Variants in MBD5 observed in about 807,000 individuals in gnomAD.
The protein encoded by MBD5 is methyl-CpG-binding domain protein 5.
In MBD5, 13 loss-of-function variants were observed where a neutral mutation model predicts 117.3. The ratio of observed to expected loss-of-function variants is 0.11; its 90% CI spans 0.07 to 0.18. The LOEUF is 0.18. Among genes scored for constraint, MBD5 ranks in the 10% least tolerant of loss-of-function variants. The probability of loss-of-function intolerance (pLI) is 1.00; values close to 1 mark genes in which losing one functional copy is unlikely to be tolerated. For missense variants in MBD5, 1,879 were observed against 2,093.8 expected, an observed-to-expected ratio of 0.90 and a Z score of 2.00; for synonymous variants, 727 against 766.4, an observed-to-expected ratio of 0.95 and a Z score of 0.85.
chr2:148,189,406 T>G (rs1454315215), intron 2 of MBD5, among the ~76,000 whole-genome samples: 2 of 150,348 alleles, frequency 1.3e-5, no homozygotes, highest in African/African-American at 5.0e-5. Flanking sequence ...CAGCTGGAGA[T>G]CTGAGAACGG....
At position 148,513,606 on chromosome 2, in the gene MBD5, T is replaced by TG. The variant is rs1375796261; in HGVS notation, c.*667dup. On this transcript the variant is annotated 3_prime_UTR_variant, in exon 14 of 14. Coordinates refer to ENST00000642680, the MANE Select transcript of MBD5 (RefSeq NM_001378120.1). ...TGGAATGAACCTTGCCTGGAAGCACTGGACTCAATTTCGGGTGTCTAGGAA... is the reference window on the plus strand; with the variant it reads ...TGGAATGAACCTTGCCTGGAAGCACTGGGACTCAATTTCGGGTGTCTAGGAA... The TG allele has an allele frequency of 6.6e-6, 1 of 152,508 alleles. No homozygotes were observed. Among genetic ancestry groups the TG allele is most frequent in the African/African-American group, 2.4e-5 (1 of 41,468 alleles). The allele number at this position is 152,508 out of a possible 1,614,324, so 9.4% of individuals were successfully genotyped here.
intron 4 of MBD5, among the ~76,000 whole-genome samples, chr2:148,414,294 G>T (rs1193605992): frequency 6.6e-6 from 1 of 152,058 alleles, no homozygotes; most frequent in Non-Finnish European, 1.5e-5. Flanking sequence ...TCTTAGTATT[G>T]ATTTCGATTT....
chr2:148,065,688 G>T (rs1695169074), intron 1 of MBD5, among the ~76,000 whole-genome samples: 1 of 152,196 alleles, frequency 6.6e-6, no homozygotes. Context: ...AGATGACATG[G>T]AAAGTAGGGA....
At chr2:148,287,104 T>C (rs1398703749) in intron 3 of MBD5, among the ~76,000 whole-genome samples, 1 of 152,188 alleles carries the variant, frequency 6.6e-6, no homozygotes, top group Non-Finnish European at 1.5e-5. Flanking sequence ...CAATCATTAA[T>C]GTTTATATTA....
At chr2:148,416,610 T>C (rs1705427866) in intron 4 of MBD5, among the ~76,000 whole-genome samples, 1 of 152,198 alleles carries the variant, frequency 6.6e-6, no homozygotes, top group Non-Finnish European at 1.5e-5. Flanking sequence ...TTCGGTTTTT[T>C]ATATATTTAA....
At position 148,419,224 on chromosome 2, in the gene MBD5, T is replaced by G. The variant is rs1468241587; in HGVS notation, c.-556-38979T>G. ...CCCTATCTCTTTCCATATGCAAAAATGAACTGAAGATGAATTAAAGACTTA... is the reference window on the plus strand; with the variant it reads ...CCCTATCTCTTTCCATATGCAAAAAGGAACTGAAGATGAATTAAAGACTTA... On this transcript the variant is annotated intron_variant, in intron 4 of 13. Transcript: ENST00000642680. Among the ~76,000 whole-genome samples the G allele has an allele frequency of 3.3e-5, 5 of 152,204 alleles. No individual in the cohort carries two copies. In the East Asian group the frequency reaches 9.7e-4, roughly 29 times the overall value.
intron 3 of MBD5, among the ~76,000 whole-genome samples, chr2:148,298,076 C>A (rs1017828894): frequency 6.6e-6 from 1 of 152,154 alleles, no homozygotes; most frequent in Non-Finnish European, 1.5e-5. Flanking sequence ...CTTGCTTCTC[C>A]CAGCATGGAA....
chr2:148,175,307 G>A (rs1698358022), intron 1 of MBD5, among the ~76,000 whole-genome samples: 1 of 152,098 alleles, frequency 6.6e-6, no homozygotes. Context: ...TAAGAGAATT[G>A]AAAATGTTTT....
chr2:148,314,144 G>C (rs1448130897), intron 3 of MBD5, among the ~76,000 whole-genome samples: 6 of 151,834 alleles, frequency 4.0e-5, no homozygotes, highest in African/African-American at 1.2e-4. Context: ...TTTCCTTACA[G>C]AGAAAACTAG....
chr2:148,453,827 A>G (rs750268212), intron 4 of MBD5, among the ~76,000 whole-genome samples: 20 of 152,194 alleles, frequency 1.3e-4, no homozygotes, highest in Non-Finnish European at 2.6e-4. Context: ...CAATTTTAAT[A>G]TTTAGCAAAA....
intron 1 of MBD5, among the ~76,000 whole-genome samples, chr2:148,129,824 A>C (rs1000806838): frequency 9.2e-5 from 14 of 152,190 alleles, no homozygotes; most frequent in Non-Finnish European, 2.9e-5. Context: ...ATTCATATTT[A>C]ATTTGTTATT....
At chr2:148,510,278 GA>G in intron 13 of MBD5, 143 bp downstream of exon 13, 1 of 648,012 alleles carries the variant, frequency 1.5e-6, no homozygotes. Context: ...ACAAATATTA[GA>G]AAAGATTCAA....
intron 1 of MBD5, among the ~76,000 whole-genome samples, chr2:148,089,175 C>G (rs929492102): frequency 2.0e-5 from 3 of 152,036 alleles, no homozygotes; most frequent in East Asian, 1.9e-4. Context: ...GATACGTGCA[C>G]CTAACATAGG....
chr2:148,050,399 T>C (rs963329702), intron 1 of MBD5, among the ~76,000 whole-genome samples: 1 of 152,174 alleles, frequency 6.6e-6, no homozygotes, highest in African/African-American at 2.4e-5. Context: ...TTTCCACTTT[T>C]TCGTGTTTGC....
At chr2:148,206,117 C>T (rs1234787122) in intron 2 of MBD5, among the ~76,000 whole-genome samples, 2 of 149,624 alleles carry the variant, frequency 1.3e-5, no homozygotes, top group East Asian at 3.9e-4. Flanking sequence ...GAGTGAGACC[C>T]TGTCTCAAAA....
chr2:148,333,667 C>A (rs1213224322), intron 3 of MBD5, among the ~76,000 whole-genome samples: 1 of 149,256 alleles, frequency 6.7e-6, no homozygotes, highest in Non-Finnish European at 1.5e-5. Context: ...CATGGTGAAA[C>A]CCTGTCTCTG....
intron 8 of MBD5, among the ~76,000 whole-genome samples, chr2:148,482,306 TAAA>T (rs1214476220): frequency 6.6e-6 from 1 of 152,026 alleles, no homozygotes; most frequent in African/African-American, 2.4e-5. Flanking sequence ...TTGGAAATAA[TAAA>T]AAAACTCATG....
intron 3 of MBD5, among the ~76,000 whole-genome samples, chr2:148,283,148 A>T (rs1241504900): frequency 6.6e-6 from 1 of 152,128 alleles, no homozygotes; most frequent in African/African-American, 2.4e-5. Flanking sequence ...ATTAAATGCA[A>T]TAAGGTATTC....
intron 4 of MBD5, among the ~76,000 whole-genome samples, chr2:148,381,416 T>C (rs1438195412): frequency 2.0e-5 from 3 of 151,910 alleles, no homozygotes; most frequent in Admixed American, 2.0e-4. Flanking sequence ...GAAAAAAGAA[T>C]AAAAAGAAAT....
Sources: gnomAD v4.1 joint callset for allele counts (sites outside exome capture counted in the v4.1 genomes callset) on GRCh38, gnomAD v4.1.1 for gene constraint, MANE v1.5 for transcripts, NCBI Gene and HGNC (gene_info 2026-07-23, HGNC 2026-07-21) for gene names.